RABGAP1L: variants seen among roughly 807,000 people sequenced by gnomAD.
RABGAP1L encodes rab GTPase-activating protein 1-like.
In RABGAP1L, 63 loss-of-function variants were observed where a neutral mutation model predicts 137.7. The observed-to-expected ratio is 0.46, with a 90% CI of 0.37 to 0.56. The LOEUF (loss-of-function observed/expected upper bound fraction) is 0.56, where lower values mean the gene tolerates loss of function less well. Among genes scored for constraint, RABGAP1L ranks in the 20% least tolerant of loss-of-function variants. RABGAP1L has a pLI of 0.00. For synonymous variants in RABGAP1L, 431 were observed against 433.7 expected (o/e 0.99, Z 0.08); for missense variants, 1,095 against 1,244.0 (o/e 0.88, Z 1.80).
intron 11 of RABGAP1L, among the ~76,000 whole-genome samples, chr1:174,351,789 T>G (rs970563266): frequency 3.2e-5 from 4 of 125,674 alleles, no homozygotes; most frequent in Non-Finnish European, 4.7e-5. Context: ...CTCTGTGTGT[T>G]TTTTTTGTTT....
At chr1:174,612,499 A>T (rs1671356363) in intron 13 of RABGAP1L, among the ~76,000 whole-genome samples, 1 of 152,122 alleles carries the variant, frequency 6.6e-6, no homozygotes, top group African/African-American at 2.4e-5. Context: ...TTCACCAAGG[A>T]TATTGGTCTA....
At chr1:174,179,071 T>A (rs1318510510) in intron 1 of RABGAP1L, among the ~76,000 whole-genome samples, 6 of 152,194 alleles carry the variant, frequency 3.9e-5, no homozygotes, top group Non-Finnish European at 5.9e-5. Flanking sequence ...TAAGCTAGTT[T>A]TTTTTTATTT....
intron 13 of RABGAP1L, among the ~76,000 whole-genome samples, chr1:174,614,655 TAAC>T (rs1226228943): frequency 6.6e-6 from 1 of 152,246 alleles, no homozygotes; most frequent in Non-Finnish European, 1.5e-5. Context: ...TTCTCCTGAA[TAAC>T]ATCCTGCAGA....
At chr1:174,783,571 A>G (rs564726638) in intron 18 of RABGAP1L, among the ~76,000 whole-genome samples, 3 of 152,094 alleles carry the variant, frequency 2.0e-5, no homozygotes, top group African/African-American at 7.2e-5. Context: ...TACCTAAGAG[A>G]TATTCAAATA....
chr1:174,320,896 G>C (rs1304707528), intron 11 of RABGAP1L, among the ~76,000 whole-genome samples: 2 of 152,148 alleles, frequency 1.3e-5, no homozygotes, highest in Non-Finnish European at 2.9e-5. Context: ...GGGTAACAGT[G>C]ATGTTCAGGG....
chr1:174,990,084 A>G lies in RABGAP1L; in HGVS notation c.*83A>G. 1 of 1,408,634 alleles carries G rather than the reference A, an allele frequency of 7.1e-7. No homozygotes were observed. The highest frequency in any genetic ancestry group is 9.6e-7 in the Non-Finnish European group (1 of 1,044,208). 87.3% of individuals were successfully genotyped at this position (1,408,634 alleles called of 1,614,324 possible). A position where few individuals can be genotyped will look rare whatever the true frequency, so the allele number is the denominator to read the frequency against. On this transcript the variant is annotated 3_prime_UTR_variant, in exon 26 of 26. Coordinates refer to ENST00000681986, the MANE Select transcript of RABGAP1L (RefSeq NM_001366446.1). Reference sequence around the variant, plus strand: ...ATTCTTCCTGGTGTCCCTTTGAAGGAAAGTCAAGGAGGCCAGAAAACAAGC... The same window carrying G: ...ATTCTTCCTGGTGTCCCTTTGAAGGGAAGTCAAGGAGGCCAGAAAACAAGC...
chr1:174,435,276 C>T (rs555865380), intron 13 of RABGAP1L, among the ~76,000 whole-genome samples: 1 of 152,238 alleles, frequency 6.6e-6, no homozygotes, highest in East Asian at 1.9e-4. Flanking sequence ...GTTAGGCCTC[C>T]CAAAGTGCTG....
At chr1:174,967,992 C>A (rs1047623688) in intron 20 of RABGAP1L, among the ~76,000 whole-genome samples, 6 of 150,558 alleles carry the variant, frequency 4.0e-5, no homozygotes, top group Non-Finnish European at 7.4e-5. Flanking sequence ...GCGGTTTTGT[C>A]CTTTAACTTC....
At chr1:174,963,669 T>C (rs1306177887) in intron 20 of RABGAP1L, among the ~76,000 whole-genome samples, 1 of 151,958 alleles carries the variant, frequency 6.6e-6, no homozygotes, top group Non-Finnish European at 1.5e-5. Context: ...ATCTGCAGAC[T>C]GTGGTTTATA....
intron 20 of RABGAP1L, among the ~76,000 whole-genome samples, chr1:174,965,173 G>T (rs1407890948): frequency 6.6e-6 from 1 of 152,136 alleles, no homozygotes; most frequent in Non-Finnish European, 1.5e-5. Context: ...TGTGTGAGAT[G>T]GGGAGTATAT....
intron 18 of RABGAP1L, among the ~76,000 whole-genome samples, chr1:174,776,706 T>G (rs1460980558): frequency 1.3e-5 from 2 of 152,202 alleles, no homozygotes; most frequent in African/African-American, 4.8e-5. Flanking sequence ...TTCCCTCCAT[T>G]TTAATGGTGG....
chr1:174,239,579 C>T (rs1306539883), intron 4 of RABGAP1L, among the ~76,000 whole-genome samples: 4 of 151,228 alleles, frequency 2.6e-5, no homozygotes, highest in South Asian at 4.1e-4. Flanking sequence ...TTTTTTCCTT[C>T]GTAGCACTTT....
chr1:174,338,609 G>GT (rs1330760592), intron 11 of RABGAP1L, among the ~76,000 whole-genome samples: 2 of 151,342 alleles, frequency 1.3e-5, no homozygotes, highest in African/African-American at 4.9e-5. Flanking sequence ...CCTATTTAGT[G>GT]TATGTGGGAA....
At chr1:174,629,200 A>C (rs534151351) in intron 13 of RABGAP1L, among the ~76,000 whole-genome samples, 2 of 152,210 alleles carry the variant, frequency 1.3e-5, no homozygotes, top group Non-Finnish European at 2.9e-5. Flanking sequence ...TTCCTGAAAC[A>C]TAAACTCTTT....
intron 13 of RABGAP1L, among the ~76,000 whole-genome samples, chr1:174,597,167 C>T (rs1670009647): frequency 6.6e-6 from 1 of 151,948 alleles, no homozygotes; most frequent in Admixed American, 6.6e-5. Flanking sequence ...GAAATGTTGG[C>T]CTGGAATTTT....
chr1:174,749,005 C>T (rs1057331170), intron 17 of RABGAP1L, among the ~76,000 whole-genome samples: 43 of 151,700 alleles, frequency 2.8e-4, no homozygotes, highest in African/African-American at 9.9e-4. Context: ...GGTGAAACCC[C>T]GCCTCTACTA....
chr1:174,313,085 G>A (rs60991021), intron 11 of RABGAP1L, among the ~76,000 whole-genome samples: 81 of 152,004 alleles, frequency 5.3e-4, no homozygotes, highest in African/African-American at 1.9e-3. Context: ...CCACCACCAC[G>A]CCTGGCTAAT....
In RABGAP1L at chr1:174,221,019, T is replaced by A; in HGVS notation, c.186T>A (p.Ile62=). Residue 62 remains isoleucine (I), a synonymous_variant, in exon 3 of 26, where the codon ATT becomes ATA. Coordinates refer to ENST00000681986, the MANE Select transcript of RABGAP1L (RefSeq NM_001366446.1). ...DEQLEKAMEE[I]LRDSEKRPSS... ...AATTGGAAAAAGCCATGGAAGAGAT[T>A]TTGAGAGATTCCGAGAAAAGGCCAA... The A allele has an allele frequency of 6.2e-7, 1 of 1,613,670 alleles. No homozygotes were observed. The highest frequency in any genetic ancestry group is 8.5e-7 in the Non-Finnish European group (1 of 1,179,776).
intron 13 of RABGAP1L, among the ~76,000 whole-genome samples, chr1:174,420,868 G>C (rs1211234783): frequency 6.6e-6 from 1 of 151,876 alleles, no homozygotes; most frequent in African/African-American, 2.4e-5. Context: ...GTAGAGATGG[G>C]GTTTCACCGT....
Sources: gnomAD v4.1 joint callset for allele counts (sites outside exome capture counted in the v4.1 genomes callset) on GRCh38, gnomAD v4.1.1 for gene constraint, MANE v1.5 for transcripts, NCBI Gene and HGNC (gene_info 2026-07-23, HGNC 2026-07-21) for gene names.